Variants in ATP7A observed in about 807,000 individuals in gnomAD.
ATP7A encodes ATPase copper transporting alpha, also known as copper-transporting ATPase 1.
ATP7A carries 7 observed loss-of-function variants against 83.5 expected under a neutral mutation model. The observed-to-expected ratio is 0.08, with a 90% CI of 0.05 to 0.16. The LOEUF (loss-of-function observed/expected upper bound fraction) is 0.16. Among genes scored for constraint, ATP7A ranks in the 10% least tolerant of loss-of-function variants. The probability of loss-of-function intolerance (pLI) is 1.00; values close to 1 mark genes in which losing one functional copy is unlikely to be tolerated. For missense variants in ATP7A, 940 were observed against 1,120.8 expected, an observed-to-expected ratio of 0.84 and a Z score of 2.30; for synonymous variants, 354 against 395.2, an observed-to-expected ratio of 0.90 and a Z score of 1.24.
chrX:77,974,085 A>G (rs1419999949), intron 2 of ATP7A, among the ~76,000 whole-genome samples: 1 of 110,021 alleles, frequency 9.1e-6, no homozygotes, highest in African/African-American at 3.3e-5. Context: ...GACTTATCAA[A>G]CCTATTAGCT....
chrX:77,952,688 A>G (rs1557226921), intron 1 of ATP7A, among the ~76,000 whole-genome samples: 2 of 111,650 alleles, frequency 1.8e-5, no homozygotes, highest in Admixed American at 9.6e-5. Flanking sequence ...TGTTTGGCCA[A>G]ACTGAGTTGT....
rs1422930162 is a variant in ATP7A, at chrX:78,046,950, A to T, written c.*380A>T. On this transcript the variant is annotated 3_prime_UTR_variant, in exon 23 of 23. Coordinates refer to ENST00000341514, the MANE Select transcript of ATP7A (RefSeq NM_000052.7). ...TTTGAAGATTTGAGAGCATGAAGAT[A>T]TTCATGCTTTTGAACTCAAAATATT... The T allele has an allele frequency of 1.8e-5, 3 of 169,650 alleles. No individual in the cohort carries two copies. The highest frequency in any genetic ancestry group is 3.3e-5 in the Non-Finnish European group (3 of 91,822). The allele number at this position is 169,650 out of a possible 1,213,427, so 14.0% of individuals were successfully genotyped here.
intron 14 of ATP7A, among the ~76,000 whole-genome samples, chrX:78,021,407 A>G (rs1376137926): frequency 1.8e-5 from 2 of 111,961 alleles, no homozygotes; most frequent in Admixed American, 9.5e-5. Context: ...TTTACTGTCA[A>G]TATGATCTTA....
rs887810992 is a variant in ATP7A, at chrX:77,965,236, C to T, written c.-21-6385C>T. Among the ~76,000 whole-genome samples the T allele has an allele frequency of 8.6e-4, 95 of 110,602 alleles. 1 individual carries two copies. The Admixed American group carries it at 8.7e-3, about 10-fold the overall frequency. On this transcript the variant is annotated intron_variant, in intron 1 of 22. Coordinates refer to ENST00000341514, the MANE Select transcript of ATP7A (RefSeq NM_000052.7). ...TCAAAAAAAAAGAGTGAAAGACAACCAACTGGATAGGAGAAAGTATTTGAA... is the reference window on the plus strand; with the variant it reads ...TCAAAAAAAAAGAGTGAAAGACAACTAACTGGATAGGAGAAAGTATTTGAA...
At chrX:77,955,301 G>A (rs909472176) in intron 1 of ATP7A, among the ~76,000 whole-genome samples, 1 of 110,778 alleles carries the variant, frequency 9.0e-6, no homozygotes, top group Non-Finnish European at 1.9e-5. Flanking sequence ...TTATTCATAA[G>A]CATTGTTTTC....
In ATP7A at chrX:78,045,378, T is replaced by C. The variant is rs951931327; in HGVS notation, c.4124-92T>C. The C allele has an allele frequency of 4.9e-6, 4 of 814,291 alleles. No individual in the cohort carries two copies. The African/African-American group carries it at 8.1e-5, about 16-fold the overall frequency. The allele number at this position is 814,291 out of a possible 1,213,427, so 67.1% of individuals were successfully genotyped here. Reference sequence around the variant, plus strand: ...CAAGAGGATAAATGCTGAAGAAGTATCAAACAAAGAAATGATTTGTATGTA... The same window carrying C: ...CAAGAGGATAAATGCTGAAGAAGTACCAAACAAAGAAATGATTTGTATGTA... On this transcript the variant is annotated intron_variant, in intron 21 of 22. Transcript: ENST00000341514.
intron 1 of ATP7A, among the ~76,000 whole-genome samples, chrX:77,920,993 C>T (rs782704940): frequency 5.4e-5 from 6 of 111,946 alleles, no homozygotes; most frequent in Non-Finnish European, 1.1e-4. Flanking sequence ...TTGTGTCTGG[C>T]TTATTTTACC....
intron 1 of ATP7A, chrX:77,965,537 C>T: frequency 8.4e-6 from 2 of 237,269 alleles, no homozygotes; most frequent in Non-Finnish European, 1.6e-5. Context: ...ACAATTGGGG[C>T]CCTTATATAC....
intron 1 of ATP7A, among the ~76,000 whole-genome samples, chrX:77,962,292 A>T (rs1291411245): frequency 2.7e-5 from 3 of 111,861 alleles, no homozygotes; most frequent in African/African-American, 9.7e-5. Flanking sequence ...GCATAGGCCA[A>T]GTAAATGATT....
intron 1 of ATP7A, among the ~76,000 whole-genome samples, chrX:77,928,536 A>G (rs1047635142): frequency 1.9e-4 from 21 of 110,960 alleles, no homozygotes; most frequent in African/African-American, 6.2e-4. Flanking sequence ...GGTCCTTTCC[A>G]GAGCTGAGAA....
At chrX:77,944,834 G>GTATTTATTTATT (rs376448530) in intron 1 of ATP7A, among the ~76,000 whole-genome samples, 49 of 107,410 alleles carry the variant, frequency 4.6e-4, no homozygotes, top group African/African-American at 1.5e-3. Flanking sequence ...ATGTATGTGT[G>GTATTTATTTATT]TATTTATTTA....
intron 11 of ATP7A, among the ~76,000 whole-genome samples, chrX:78,015,403 A>G (rs1468521916): frequency 8.9e-6 from 1 of 112,629 alleles, no homozygotes; most frequent in African/African-American, 3.2e-5. Flanking sequence ...AGACTTGATT[A>G]TATTTCATTC....
intron 14 of ATP7A, among the ~76,000 whole-genome samples, chrX:78,028,715 C>T (rs1557236632): frequency 8.9e-6 from 1 of 112,332 alleles, no homozygotes; most frequent in Admixed American, 9.4e-5. Context: ...TCTAAAACTA[C>T]CAATTATATT....
At chrX:77,950,605 A>G (rs1027394744) in intron 1 of ATP7A, among the ~76,000 whole-genome samples, 57 of 111,670 alleles carry the variant, frequency 5.1e-4, no homozygotes, top group African/African-American at 1.8e-3. Flanking sequence ...TTTAATTTAG[A>G]TTTTAAAAGT....
At chrX:78,034,648 A>T (rs1194451931) in intron 17 of ATP7A, among the ~76,000 whole-genome samples, 4 of 110,902 alleles carry the variant, frequency 3.6e-5, no homozygotes, top group Admixed American at 9.6e-5. Flanking sequence ...GCAAGACCTC[A>T]TTAAGATATT....
At chrX:78,013,416 A>G (rs1418005599) in intron 10 of ATP7A, among the ~76,000 whole-genome samples, 1 of 111,731 alleles carries the variant, frequency 9.0e-6, no homozygotes, top group Non-Finnish European at 1.9e-5. Context: ...TAAAATAATG[A>G]TAGAAAAAAT....
At chrX:77,985,860 T>G (rs782662735) in intron 2 of ATP7A, among the ~76,000 whole-genome samples, 1 of 111,315 alleles carries the variant, frequency 9.0e-6, no homozygotes, top group Admixed American at 9.6e-5. Flanking sequence ...CACTGTTCTG[T>G]TCTCCATCTT....
rs146887876 is a variant in ATP7A at position 78,009,162 on chromosome X, A to G, written c.1768A>G (p.Arg590Gly). 246 of 1,208,128 alleles carry G rather than the reference A, an allele frequency of 2.0e-4. No homozygotes were observed. The African/African-American group carries it at 4.0e-3, about 20-fold the overall frequency. The change falls in exon 7 of 23, where the codon AGA becomes GGA. Residue 590 changes from arginine to glycine, a missense_variant. This residue lies in a region of ATP7A where 204 missense variants were observed against 185.8 expected (regional missense o/e 1.10). Coordinates refer to ENST00000341514, the MANE Select transcript of ATP7A (RefSeq NM_000052.7). Reference protein sequence around the residue: ...HKIESSLTKHRGILYCSVALA... With the variant: ...HKIESSLTKHGGILYCSVALA... The stretch of plus-strand genomic sequence containing the variant: ...AATAGAGTCTAGTCTCACAAAACAC[A>G]GAGGGATCCTATACTGCTCCGTGGC...
intron 1 of ATP7A, among the ~76,000 whole-genome samples, chrX:77,938,813 A>G (rs192350146): frequency 7.7e-4 from 86 of 112,264 alleles, no homozygotes; most frequent in African/African-American, 1.6e-3. Context: ...TTTGCTACGT[A>G]GGTATATACA....
Sources: gnomAD v4.1 joint callset for allele counts (sites outside exome capture counted in the v4.1 genomes callset) on GRCh38, gnomAD v4.1.1 for gene constraint, gnomAD v4.1.1 regional missense constraint, MANE v1.5 for transcripts, NCBI Gene and HGNC (gene_info 2026-07-23, HGNC 2026-07-21) for gene names.